Variants in LAS1L observed in about 807,000 individuals in gnomAD.
LAS1L encodes ribosomal biogenesis protein LAS1L.
Under a neutral mutation model 57.3 loss-of-function variants are expected in LAS1L, and 5 were observed. The ratio of observed to expected loss-of-function variants is 0.09; its 90% CI spans 0.05 to 0.18. The LOEUF is 0.18. Ranked by LOEUF, LAS1L falls within the 10% of genes least tolerant of loss-of-function variation. LAS1L has a pLI of 1.00. For synonymous variants in LAS1L, 245 were observed against 231.7 expected, an observed-to-expected ratio of 1.06 and a Z score of -0.52; for missense variants, 360 against 568.3, an observed-to-expected ratio of 0.63 and a Z score of 3.73.
At chrX:65,514,517 A>C (rs1268558338) in intron 13 of LAS1L, among the ~76,000 whole-genome samples, 3 of 78,872 alleles carry the variant, frequency 3.8e-5, no homozygotes, top group Non-Finnish European at 4.8e-5. Flanking sequence ...CTCCTCCCAA[A>C]ATGTGTGTGT....
Position 65,523,620 on chromosome X carries a change from G to C in LAS1L, c.1388C>G (p.Pro463Arg). The change falls in exon 11 of 14, where the codon CCC becomes CGC. Residue 463 changes from proline (P) to arginine (R), a missense_variant. Transcript: ENST00000374811. Reference protein sequence around the residue: ...LFNCSASLDWPRMVESCLGSP... With the variant: ...LFNCSASLDWRRMVESCLGSP... ...GCCCAAGCAGGACTCAACCATCCGG[G>C]GCCAGTCAAGGGAGGCGGAGCAGTT... 1 of 1,202,327 alleles carries C rather than the reference G, an allele frequency of 8.3e-7. No individual in the cohort carries two copies. The highest frequency in any genetic ancestry group is 1.8e-5 in the South Asian group (1 of 55,232).
intron 12 of LAS1L, among the ~76,000 whole-genome samples, chrX:65,516,197 C>T (rs2068622042): frequency 9.0e-6 from 1 of 111,477 alleles, no homozygotes; most frequent in African/African-American, 3.3e-5. Context: ...GACTGTTCCT[C>T]TACTTGTCCA....
chrX:65,523,939 TA>T, intron 10 of LAS1L, 116 bp downstream of exon 10: 3 of 816,311 alleles, frequency 3.7e-6, no homozygotes, highest in Non-Finnish European at 5.3e-6. Flanking sequence ...TGGGCAAACC[TA>T]AACCTTTAAC....
In LAS1L at chrX:65,531,427, C is replaced by T. The variant is rs751949174; in HGVS notation, c.444G>A (p.Pro148=). The change falls in exon 4 of 14, where the codon CCG becomes CCA. Residue 148 remains proline, a synonymous_variant. Transcript: ENST00000374811. ...LKCLAQEVNI[P]DWIVDLRHEL... is the part of the protein sequence containing the mutation. Reference sequence around the variant, plus strand: ...CATGGCGAAGGTCAACAATCCAATCCGGAATATTTACCTGATTACAGGGGA... The same window carrying T: ...CATGGCGAAGGTCAACAATCCAATCTGGAATATTTACCTGATTACAGGGGA... 7.5e-6 allele frequency: 9 copies of T among 1,198,846 alleles called. No individual in the cohort carries two copies. The highest frequency in any genetic ancestry group is 7.0e-5 in the African/African-American group (4 of 56,876).
At chrX:65,522,872 T>C (rs917421589) in intron 11 of LAS1L, 6 of 111,344 alleles carry the variant, frequency 5.4e-5, no homozygotes, top group Admixed American at 4.8e-4. Flanking sequence ...AGATGAGTCA[T>C]CCAAATGAAA....
chrX:65,530,845 T>C (rs988629303), intron 4 of LAS1L, among the ~76,000 whole-genome samples: 1 of 100,976 alleles, frequency 9.9e-6, no homozygotes, highest in South Asian at 4.6e-4. Flanking sequence ...TAATCAGACA[T>C]AGTAGCATGT....
At chrX:65,529,131 A>T in intron 6 of LAS1L, 81 bp downstream of exon 6, 1 of 828,533 alleles carries the variant, frequency 1.2e-6, no homozygotes, top group South Asian at 2.1e-5. Context: ...TTCCTTCTCA[A>T]GACTTCTCTC....
intron 12 of LAS1L, among the ~76,000 whole-genome samples, chrX:65,515,472 T>TAC (rs2068597236): frequency 9.1e-6 from 1 of 110,251 alleles, no homozygotes; most frequent in Non-Finnish European, 1.9e-5. Flanking sequence ...CCTACAAATC[T>TAC]ACACACACAC....
Position 65,531,896 on chromosome X carries a change from G to A in LAS1L, c.433-458C>T, listed in dbSNP as rs762892638. On this transcript the variant is annotated intron_variant, in intron 3 of 13. Coordinates refer to ENST00000374811, the MANE Select transcript of LAS1L (RefSeq NM_031206.7). ...AGATCACGCCACTGCACTCCAGCTT[G>A]GGCAACAGAGCAAAACTCTGTCTCA... 1.1e-4 allele frequency among the ~76,000 whole-genome samples: 12 copies of A among 112,170 alleles called. No homozygotes were observed. In the South Asian group the frequency reaches 1.1e-3, roughly 10 times the overall value.
In LAS1L at chrX:65,524,226, G is replaced by A. The variant is rs2148288850; in HGVS notation, c.1130C>T (p.Pro377Leu). The A allele has an allele frequency of 3.3e-6, 4 of 1,210,864 alleles. No homozygotes were observed. The highest frequency in any genetic ancestry group is 4.5e-6 in the Non-Finnish European group (4 of 894,893). The part of the protein sequence containing the change: ...VDLNDVLVPK[P>L]FSQFWQPLLR... ...CAGGGGCTGCCAGAACTGAGAGAAC[G>A]GCTTTGGCACCAGGACGTCATTCAA... is the stretch of plus-strand genomic sequence containing the variant. The change falls in exon 10 of 14, where the codon CCG (proline) becomes CTG (leucine). Residue 377 changes from proline (P) to leucine (L), a missense_variant. Physicochemically the swap from Pro to Leu is moderately conservative, Grantham distance 98. Coordinates refer to ENST00000374811, the MANE Select transcript of LAS1L (RefSeq NM_031206.7).
In LAS1L at chrX:65,518,479, G is replaced by C; in HGVS notation, c.1449-14C>G. The C allele has an allele frequency of 1.7e-6, 2 of 1,181,138 alleles. No individual in the cohort carries two copies. Among genetic ancestry groups the C allele is most frequent in the Non-Finnish European group, 2.3e-6 (2 of 882,158 alleles). ...GCTTTGAAGATGCTGAGCAAAGGGA[G>C]GGATGGGGTAGGAAAGATTCAAAAT... On this transcript the variant is annotated splice_polypyrimidine_tract_variant and intron_variant, in intron 11 of 13. Coordinates refer to ENST00000374811, the MANE Select transcript of LAS1L (RefSeq NM_031206.7).
At chrX:65,520,828 G>T (rs1241380020) in intron 11 of LAS1L, 12 of 752,167 alleles carry the variant, frequency 1.6e-5, no homozygotes, top group Non-Finnish European at 1.4e-5. Context: ...CTTAGGATTG[G>T]AAAGTACCTT....
chrX:65,529,552 T>A, intron 5 of LAS1L, 42 bp downstream of exon 5: 1 of 1,173,952 alleles, frequency 8.5e-7, no homozygotes, highest in Non-Finnish European at 1.2e-6. Flanking sequence ...AGCCTGAGCC[T>A]TCTGGGCTCA....
Position 65,534,685 on chromosome X carries a change from G to C in LAS1L, c.31C>G (p.Leu11Val), listed in dbSNP as rs767193059. Residue 11 changes from leucine (L) to valine (V), a missense_variant, in exon 1 of 14, where the codon CTA becomes GTA. By Grantham distance (32) the Leu-to-Val change is conservative. This residue lies in a region of LAS1L where 36 missense variants were observed against 27.9 expected (regional missense o/e 1.29). Transcript: ENST00000374811. ...ACGAGATCCATCCCCTGGGAACCTA[G>C]ACCTGGCCCGGCCCCGGATTCCCAC... is the stretch of plus-strand genomic sequence containing the variant. Reference protein sequence around the residue: MSWESGAGPGLGSQGMDLVWS... With the variant: MSWESGAGPGVGSQGMDLVWS... 1 of 1,176,190 alleles carries C rather than the reference G, an allele frequency of 8.5e-7. No homozygotes were observed. The highest frequency in any genetic ancestry group is 1.1e-6 in the Non-Finnish European group (1 of 878,652).
chrX:65,532,752 G>A (rs898513049), intron 2 of LAS1L, 122 bp from the exon 3 acceptor site: 2 of 505,565 alleles, frequency 4.0e-6, no homozygotes, highest in African/African-American at 2.3e-5. Flanking sequence ...TATTCCTACA[G>A]CTGGTGTGTC....
chrX:65,519,598 C>T (rs1004310728), intron 11 of LAS1L, among the ~76,000 whole-genome samples: 3 of 111,849 alleles, frequency 2.7e-5, no homozygotes, highest in Non-Finnish European at 3.8e-5. Flanking sequence ...CAAAAGACGG[C>T]GCCAACAGCA....
Position 65,518,316 on chromosome X carries a change from T to G in LAS1L, c.1598A>C (p.Asp533Ala). Residue 533 changes from aspartate (D) to alanine (A), a missense_variant, in exon 12 of 14, where the codon GAC becomes GCC. Around this residue, in one of 7 missense-constraint regions of LAS1L, gnomAD observed 123 missense variants for 168.3 expected, o/e 0.73. Transcript: ENST00000374811. ...SPIGKSPYTL[D>A]SLYWSVKPAS... is the part of the protein sequence containing the mutation. ...TGGCTTGACGCTCCAATACAGGCTG[T>G]CTAGTGTATATGGAGACTTCCCAAT... 8.3e-7 allele frequency: 1 copy of G among 1,211,829 alleles called. No homozygotes were observed. Among genetic ancestry groups the G allele is most frequent in the Non-Finnish European group, 1.1e-6 (1 of 895,482 alleles).
intron 12 of LAS1L, 93 bp downstream of exon 12, chrX:65,517,894 C>A: frequency 1.8e-6 from 2 of 1,105,115 alleles, no homozygotes. Context: ...TTGGCTACCT[C>A]CTGCTACTTT....
intron 11 of LAS1L, chrX:65,518,770 A>G: frequency 1.4e-6 from 1 of 727,249 alleles, no homozygotes; most frequent in Non-Finnish European, 1.6e-6. Context: ...CCTGGCACAT[A>G]GTGGGCATGC....
Sources: allele counts gnomAD v4.1 joint callset (sites outside exome capture counted in the v4.1 genomes callset), GRCh38; gene constraint gnomAD v4.1.1; regional missense constraint gnomAD v4.1.1; transcripts MANE v1.5; gene names NCBI Gene and HGNC (gene_info 2026-07-23, HGNC 2026-07-21).